The following PDZRN3 variants were observed in gnomAD, a reference collection of about 807,000 sequenced individuals.
PDZRN3 encodes E3 ubiquitin-protein ligase PDZRN3.
In PDZRN3, 38 loss-of-function variants were observed where a neutral mutation model predicts 85.7. The observed-to-expected ratio is 0.44, with a 90% confidence interval of 0.34 to 0.58. PDZRN3 has a LOEUF of 0.58. PDZRN3 is among the 20% of genes least tolerant of loss of function. PDZRN3 has a pLI of 0.01. For synonymous variants in PDZRN3, 759 were observed against 638.0 expected (o/e 1.19, Z -2.86); for missense variants, 1,629 against 1,506.4 (o/e 1.08, Z -1.35).
chr3:73,476,596 T>C lies in PDZRN3; in HGVS notation c.919-72201A>G, dbSNP rs369354063. On this transcript the variant is annotated intron_variant, in intron 3 of 9. Transcript: ENST00000263666. ...GACCAACAGAAGATGGCAGGACTGATGGCTGCTACTTTCATGGTTAGGTTA... is the reference window on the plus strand; with the variant it reads ...GACCAACAGAAGATGGCAGGACTGACGGCTGCTACTTTCATGGTTAGGTTA... 1.1e-4 allele frequency among the ~76,000 whole-genome samples: 16 copies of C among 152,356 alleles called. No individual in the cohort carries two copies. The East Asian group carries it at 2.7e-3, about 26-fold the overall frequency.
chr3:73,578,601 G>C (rs962851919), intron 3 of PDZRN3, among the ~76,000 whole-genome samples: 4 of 152,146 alleles, frequency 2.6e-5, no homozygotes, highest in Non-Finnish European at 5.9e-5. Context: ...AAAAGTAAAA[G>C]CCTGGCAAGA....
At chr3:73,447,974 T>C (rs987692061) in intron 3 of PDZRN3, among the ~76,000 whole-genome samples, 2 of 152,220 alleles carry the variant, frequency 1.3e-5, no homozygotes, top group African/African-American at 4.8e-5. Context: ...CTAAATATCA[T>C]AGCTTTTCCA....
chr3:73,549,612 G>C (rs1017274828), intron 3 of PDZRN3, among the ~76,000 whole-genome samples: 2 of 152,210 alleles, frequency 1.3e-5, no homozygotes, highest in Admixed American at 1.3e-4. Flanking sequence ...AAGACGGAGA[G>C]AAGGGTTTGG....
chr3:73,519,804 G>A (rs1704321929), intron 3 of PDZRN3, among the ~76,000 whole-genome samples: 1 of 152,200 alleles, frequency 6.6e-6, no homozygotes, highest in Non-Finnish European at 1.5e-5. Flanking sequence ...CAGAACTACT[G>A]ACTCAGAAAC....
At chr3:73,516,131 G>A (rs1704251778) in intron 3 of PDZRN3, among the ~76,000 whole-genome samples, 2 of 152,172 alleles carry the variant, frequency 1.3e-5, no homozygotes, top group African/African-American at 4.8e-5. Flanking sequence ...GGGAGGAAGG[G>A]ATATATTGTT....
chr3:73,620,927 G>C (rs1343067468), intron 1 of PDZRN3, among the ~76,000 whole-genome samples: 10 of 152,246 alleles, frequency 6.6e-5, no homozygotes, highest in Non-Finnish European at 1.5e-4. Flanking sequence ...ATTTAGGAAG[G>C]TGTTTAGACA....
chr3:73,418,534 T>TA (rs1349739393), intron 3 of PDZRN3, among the ~76,000 whole-genome samples: 2 of 152,186 alleles, frequency 1.3e-5, no homozygotes, highest in African/African-American at 2.4e-5. Flanking sequence ...GACTGGTACT[T>TA]ACACCCTTCT....
At chr3:73,541,149 C>G (rs1432000250) in intron 3 of PDZRN3, among the ~76,000 whole-genome samples, 1 of 152,140 alleles carries the variant, frequency 6.6e-6, no homozygotes, top group African/African-American at 2.4e-5. Flanking sequence ...AAAATATGCT[C>G]AAATTGACTT....
intron 2 of PDZRN3, among the ~76,000 whole-genome samples, chr3:73,604,242 TAC>T (rs1439388613): frequency 2.6e-5 from 4 of 152,240 alleles, no homozygotes; most frequent in African/African-American, 9.6e-5. Flanking sequence ...TGTAGCTCCC[TAC>T]ATGCACACCT....
chr3:73,439,769 C>T lies in PDZRN3; in HGVS notation c.919-35374G>A, dbSNP rs1263969654. Among the ~76,000 whole-genome samples, 3 of 152,068 alleles carry T rather than the reference C, an allele frequency of 2.0e-5. No homozygotes were observed. In the East Asian group the frequency reaches 5.8e-4, roughly 29 times the overall value. ...TATTTTATTTTTTGAAACAGAGTCT[C>T]ACTCTGTCACCCAGGCTGGAATGCA... On this transcript the variant is annotated intron_variant, in intron 3 of 9. Coordinates refer to ENST00000263666, the MANE Select transcript of PDZRN3 (RefSeq NM_015009.3).
chr3:73,620,396 T>C (rs1702838379), intron 1 of PDZRN3, among the ~76,000 whole-genome samples: 1 of 152,166 alleles, frequency 6.6e-6, no homozygotes, highest in Non-Finnish European at 1.5e-5. Context: ...TGGAGTGCTT[T>C]TGCTCTAAGA....
At position 73,384,587 on chromosome 3, in the gene PDZRN3, G is replaced by A. The variant is rs888118289; in HGVS notation, c.1979C>T (p.Thr660Ile). 1.2e-6 allele frequency: 2 copies of A among 1,613,656 alleles called. No homozygotes were observed. Among genetic ancestry groups the A allele is most frequent in the Non-Finnish European group, 1.7e-6 (2 of 1,180,046 alleles). The change falls in exon 10 of 10, where the codon ACC becomes ATC. Residue 660 changes from threonine to isoleucine, a missense_variant. Physicochemically the swap from Thr to Ile is moderately conservative, Grantham distance 89. Coordinates refer to ENST00000263666, the MANE Select transcript of PDZRN3 (RefSeq NM_015009.3). ...LELKCQVKSA[T>I]PYGLYYPSGP... ...GCTAGGGTAGTACAGGCCGTAAGGG[G>A]TGGCGCTCTTCACCTGGCACTTGAG...
intron 3 of PDZRN3, among the ~76,000 whole-genome samples, chr3:73,476,707 G>A (rs1009730160): frequency 6.6e-6 from 1 of 152,190 alleles, no homozygotes; most frequent in African/African-American, 2.4e-5. Context: ...GAAGCCAGTT[G>A]ACGTATCACA....
intron 5 of PDZRN3, among the ~76,000 whole-genome samples, chr3:73,397,734 C>G (rs963573598): frequency 6.6e-6 from 1 of 152,222 alleles, no homozygotes; most frequent in African/African-American, 2.4e-5. Context: ...AGGACGACAT[C>G]TGTCCAAAAC....
chr3:73,608,705 C>G, intron 1 of PDZRN3, 21 bp from the exon 2 acceptor site: 1 of 1,509,762 alleles, frequency 6.6e-7, no homozygotes, highest in African/African-American at 1.4e-5. Flanking sequence ...CAAATGAGAT[C>G]AAACTTTTAT....
chr3:73,420,623 C>A (rs1702181033), intron 3 of PDZRN3, among the ~76,000 whole-genome samples: 1 of 152,262 alleles, frequency 6.6e-6, no homozygotes, highest in Admixed American at 6.5e-5. Context: ...ATAAGTTGAC[C>A]TTTCTGGATC....
rs563306972 is a variant in PDZRN3 at position 73,485,780 on chromosome 3, G to T, written c.919-81385C>A. Among the ~76,000 whole-genome samples the T allele has an allele frequency of 3.3e-5, 5 of 152,308 alleles. No individual in the cohort carries two copies. In the East Asian group the frequency reaches 9.6e-4, roughly 29 times the overall value. On this transcript the variant is annotated intron_variant, in intron 3 of 9. Transcript: ENST00000263666. ...AAATAAGACAATTTCAGGGAAACTG[G>T]CAGGTAATCTGATATGTGTTAGCCT...
intron 3 of PDZRN3, among the ~76,000 whole-genome samples, chr3:73,427,817 C>T (rs1314070508): frequency 6.6e-6 from 1 of 152,206 alleles, no homozygotes; most frequent in Non-Finnish European, 1.5e-5. Context: ...GAGAACGATG[C>T]AAAGTCCCTA....
intron 3 of PDZRN3, among the ~76,000 whole-genome samples, chr3:73,414,169 TCA>T (rs995657272): frequency 6.6e-6 from 1 of 152,158 alleles, no homozygotes; most frequent in African/African-American, 2.4e-5. Flanking sequence ...ACAAGCAACA[TCA>T]CACATTTTTT....
Sources: allele counts gnomAD v4.1 joint callset (sites outside exome capture counted in the v4.1 genomes callset), GRCh38; gene constraint gnomAD v4.1.1; transcripts MANE v1.5; gene names NCBI Gene and HGNC (gene_info 2026-07-23, HGNC 2026-07-21).